RCC1L: variants seen among roughly 807,000 people sequenced by gnomAD.
RCC1L encodes the protein RCC1-like G exchanging factor-like protein.
In RCC1L, 46 loss-of-function variants were observed where a neutral mutation model predicts 58.6. The ratio of observed to expected loss-of-function variants is 0.79; its 90% confidence interval spans 0.62 to 1.00. RCC1L has a LOEUF of 1.00. RCC1L is among the 50% of genes least tolerant of loss of function. RCC1L has a pLI of 0.00. For synonymous variants in RCC1L, 281 were observed against 262.9 expected, an observed-to-expected ratio of 1.07 and a Z score of -0.67; for missense variants, 636 against 623.6, an observed-to-expected ratio of 1.02 and a Z score of -0.21.
At position 75,043,005 on chromosome 7, in the gene RCC1L, G is replaced by A. The variant is rs1056360526; in HGVS notation, c.*27C>T. ...AAGGAGTGCCAGTGGTTCCCGGGAC[G>A]GGGCCGCCCAAGCAGGTGAGGGAGG... On this transcript the variant is annotated 3_prime_UTR_variant, in exon 11 of 11. Transcript: ENST00000610322. The A allele has an allele frequency of 2.4e-5, 38 of 1,613,898 alleles. 1 individual carries two copies. Among genetic ancestry groups the A allele is most frequent in the South Asian group, 1.8e-4 (16 of 91,078 alleles).
intron 6 of RCC1L, among the ~76,000 whole-genome samples, chr7:75,059,563 C>T (rs952707379): frequency 7.9e-5 from 12 of 152,116 alleles, no homozygotes; most frequent in Non-Finnish European, 1.2e-4. Flanking sequence ...TGAGCCACTG[C>T]GCCTGGTCTA....
chr7:75,032,850 T>C (rs1805341776), intron 10 of RCC1L, among the ~76,000 whole-genome samples: 1 of 151,812 alleles, frequency 6.6e-6, no homozygotes, highest in Admixed American at 6.6e-5. Context: ...GGCGGGAGGA[T>C]TACCTGAGGT....
intron 2 of RCC1L, among the ~76,000 whole-genome samples, chr7:75,068,569 C>T (rs1806595128): frequency 6.6e-6 from 1 of 151,742 alleles, no homozygotes; most frequent in Non-Finnish European, 1.5e-5. Flanking sequence ...GCCTGTAGTA[C>T]CAGCTACTCA....
In RCC1L at chr7:75,058,666, G is replaced by A. The variant is rs1356900075; in HGVS notation, c.891C>T (p.Ala297=). Reference sequence around the variant, plus strand: ...CAAAAAGTCCTCCGTCGGCGGACACGGCCAGGCAGCAATCACCGTAGGTGG... The same window carrying A: ...CAAAAAGTCCTCCGTCGGCGGACACAGCCAGGCAGCAATCACCGTAGGTGG... The part of the protein sequence containing the change: ...QVATYGDCCL[A]VSADGGLFGW... Residue 297 remains alanine (A), a synonymous_variant, in exon 7 of 11, where the codon GCC becomes GCT. Coordinates refer to ENST00000610322, the MANE Select transcript of RCC1L (RefSeq NM_030798.5). 7.4e-6 allele frequency: 12 copies of A among 1,613,840 alleles called. No individual in the cohort carries two copies. Among genetic ancestry groups the A allele is most frequent in the Admixed American group, 5.0e-5 (3 of 59,994 alleles).
intron 10 of RCC1L, among the ~76,000 whole-genome samples, chr7:75,051,009 C>T (rs587738250): frequency 2.0e-4 from 30 of 151,856 alleles, no homozygotes; most frequent in Non-Finnish European, 3.7e-4. Context: ...GGGAGGATCA[C>T]CTGAGCCCAG....
chr7:75,070,472 G>A (rs2132013841), intron 2 of RCC1L, among the ~76,000 whole-genome samples, 168 bp downstream of exon 2: 1 of 152,248 alleles, frequency 6.6e-6, no homozygotes, highest in Non-Finnish European at 1.5e-5. Flanking sequence ...TCGGGAGGCT[G>A]AGGCAGGAGA....
rs1200321850 is a variant in RCC1L at position 75,042,417 on chromosome 7, A to G, written c.*615T>C. The G allele has an allele frequency of 7.1e-6, 7 of 986,016 alleles. No individual in the cohort carries two copies. Among genetic ancestry groups the G allele is most frequent in the Non-Finnish European group, 2.4e-6 (2 of 830,436 alleles). 61.1% of individuals were successfully genotyped at this position (986,016 alleles called of 1,614,324 possible). ...GCTTCTTAACTTTTCCAAGCCAGGC[A>G]GTGAGCGTGGTGGGAGGCTGGGGCT... On this transcript the variant is annotated 3_prime_UTR_variant, in exon 11 of 11. Coordinates refer to ENST00000610322, the MANE Select transcript of RCC1L (RefSeq NM_030798.5).
intron 2 of RCC1L, among the ~76,000 whole-genome samples, chr7:75,068,821 T>C (rs782006145): frequency 1.3e-5 from 2 of 152,206 alleles, no homozygotes; most frequent in African/African-American, 2.4e-5. Context: ...GTTTGTCCAG[T>C]ATGTACTTCT....
chr7:75,047,951 TAAAAAAAAAAAAAA>T (rs1165495607), intron 10 of RCC1L, among the ~76,000 whole-genome samples: 1 of 72,202 alleles, frequency 1.4e-5, no homozygotes, highest in East Asian at 5.5e-4. Context: ...GGCCAATAAT[TAAAAAAAAAAAAAA>T]AAAAAAAAAA....
intron 10 of RCC1L, among the ~76,000 whole-genome samples, chr7:75,050,844 C>A (rs1329984879): frequency 1.3e-5 from 2 of 152,058 alleles, no homozygotes; most frequent in Non-Finnish European, 2.9e-5. Context: ...GTAATCCCAG[C>A]ACTTTGGGAA....
chr7:75,044,154 TCAA>T (rs1314331990), intron 10 of RCC1L, among the ~76,000 whole-genome samples: 2 of 152,082 alleles, frequency 1.3e-5, no homozygotes, highest in Admixed American at 6.6e-5. Context: ...ACGGACACCC[TCAA>T]CAACTCCAGG....
At chr7:75,067,128 C>G (rs1276120746) in intron 2 of RCC1L, among the ~76,000 whole-genome samples, 1 of 151,586 alleles carries the variant, frequency 6.6e-6, no homozygotes, top group Non-Finnish European at 1.5e-5. Context: ...ATGGTGAACC[C>G]CATCTCTATT....
intron 6 of RCC1L, among the ~76,000 whole-genome samples, 178 bp downstream of exon 6, chr7:75,061,029 G>A (rs1313396292): frequency 2.0e-5 from 3 of 152,136 alleles, no homozygotes; most frequent in East Asian, 3.9e-4. Flanking sequence ...AGATGTGATC[G>A]CGCCACTGCA....
intron 10 of RCC1L, among the ~76,000 whole-genome samples, chr7:75,032,725 AGCTTTTAT>A (rs1278862288): frequency 6.6e-6 from 1 of 152,106 alleles, no homozygotes; most frequent in African/African-American, 2.4e-5. Flanking sequence ...GCTGCTGAGA[AGCTTTTAT>A]GCCTGGGGTC....
intron 5 of RCC1L, among the ~76,000 whole-genome samples, chr7:75,061,672 G>A (rs896918792): frequency 6.6e-6 from 1 of 151,924 alleles, no homozygotes; most frequent in Non-Finnish European, 1.5e-5. Context: ...CTCTCTCCAG[G>A]GTGTGTCTCC....
Position 75,066,803 on chromosome 7 carries a change from C to T in RCC1L, c.455-11G>A. Reference sequence around the variant, plus strand: ...ACTCGTAGCCCCTCGCTGGAAAAGACACAGGACACTGATTGAGGCATGCAT... The same window carrying T: ...ACTCGTAGCCCCTCGCTGGAAAAGATACAGGACACTGATTGAGGCATGCAT... On this transcript the variant is annotated splice_polypyrimidine_tract_variant and intron_variant, in intron 2 of 10. Transcript: ENST00000610322. 6.2e-7 allele frequency: 1 copy of T among 1,600,038 alleles called. No individual in the cohort carries two copies. Among genetic ancestry groups the T allele is most frequent in the Non-Finnish European group, 8.5e-7 (1 of 1,174,064 alleles).
At chr7:75,063,166 A>G in intron 5 of RCC1L, 126 bp downstream of exon 5, 2 of 1,072,360 alleles carry the variant, frequency 1.9e-6, no homozygotes, top group Non-Finnish European at 2.9e-6. Flanking sequence ...AGTAGGCTAC[A>G]ATTTTTACTA....
chr7:75,059,545 TA>T (rs1463157017), intron 6 of RCC1L, among the ~76,000 whole-genome samples: 4 of 152,120 alleles, frequency 2.6e-5, no homozygotes, highest in Non-Finnish European at 5.9e-5. Context: ...GTGCTGGGAT[TA>T]TAGGCGTGAG....
intron 10 of RCC1L, among the ~76,000 whole-genome samples, chr7:75,052,208 T>C (rs1401202279): frequency 6.6e-6 from 1 of 152,220 alleles, no homozygotes; most frequent in African/African-American, 2.4e-5. Flanking sequence ...CTGCTTTCTT[T>C]TAAATTCATT....
Sources: allele counts gnomAD v4.1 joint callset (sites outside exome capture counted in the v4.1 genomes callset), GRCh38; gene constraint gnomAD v4.1.1; transcripts MANE v1.5; gene names NCBI Gene and HGNC (gene_info 2026-07-23, HGNC 2026-07-21).